Variants in PPP1R12B observed in about 807,000 individuals in gnomAD.
PPP1R12B encodes protein phosphatase 1 regulatory subunit 12B.
Under a neutral mutation model 126.1 loss-of-function variants are expected in PPP1R12B, and 76 were observed. The observed-to-expected ratio is 0.60, with a 90% CI of 0.50 to 0.73. PPP1R12B has a LOEUF of 0.73. PPP1R12B is among the 30% of genes least tolerant of loss of function. The pLI is 0.00. For missense variants in PPP1R12B, 1,052 were observed against 1,205.1 expected, an observed-to-expected ratio of 0.87 and a Z score of 1.88; for synonymous variants, 356 against 434.7, an observed-to-expected ratio of 0.82 and a Z score of 2.25.
chr1:202,565,834 A>G lies in PPP1R12B; in HGVS notation c.2757+1287A>G, dbSNP rs75036147. ...AAAAGAGAAAAATACACACATAGCT[A>G]TAGCCCTGCCATAAGGCAGCGGGGT... On this transcript the variant is annotated intron_variant, in intron 21 of 23. Transcript: ENST00000608999. The surrounding 1 kb of genome is among the most constrained non-coding windows in gnomAD (Gnocchi z 4.3). Among the ~76,000 whole-genome samples, 2,105 of 152,170 alleles carry G rather than the reference A, an allele frequency of 0.014. 27 individuals carry two copies. The highest frequency in any genetic ancestry group is 0.021 in the Non-Finnish European group (1,402 of 68,018).
chr1:202,351,960 C>G (rs948695451), intron 1 of PPP1R12B, among the ~76,000 whole-genome samples: 1 of 152,206 alleles, frequency 6.6e-6, no homozygotes, highest in Non-Finnish European at 1.5e-5. Context: ...AGATAACAAG[C>G]TCCAGGGGGC....
rs563050785 is a variant in PPP1R12B at position 202,363,095 on chromosome 1, A to G, written c.291+13953A>G. Among the ~76,000 whole-genome samples, 7 of 152,208 alleles carry G rather than the reference A, an allele frequency of 4.6e-5. No homozygotes were observed. In the South Asian group the frequency reaches 1.4e-3, roughly 32 times the overall value. ...GTGATCCACCCATCTTGGCCTCCCA[A>G]AGTGCTGGGATTGCAGGCATGAGCC... On this transcript the variant is annotated intron_variant, in intron 1 of 23. Transcript: ENST00000608999.
intron 13 of PPP1R12B, among the ~76,000 whole-genome samples, chr1:202,463,617 T>C (rs1409028370): frequency 6.6e-6 from 1 of 152,162 alleles, no homozygotes; most frequent in Non-Finnish European, 1.5e-5. Context: ...ACTAGTTCAA[T>C]CAGGTATGGG....
rs2149055724 is a variant in PPP1R12B, at chr1:202,590,426, A to G, written c.*9866A>G. The G allele has an allele frequency of 6.6e-6, 1 of 151,144 alleles. No individual in the cohort carries two copies. The highest frequency in any genetic ancestry group is 2.1e-4 in the South Asian group (1 of 4,760). The allele number at this position is 151,144 out of a possible 1,614,324, so 9.4% of individuals were successfully genotyped here. A position where few individuals can be genotyped will look rare whatever the true frequency, so the allele number is the denominator to read the frequency against. On this transcript the variant is annotated 3_prime_UTR_variant, in exon 24 of 24. Coordinates refer to ENST00000608999, the MANE Select transcript of PPP1R12B (RefSeq NM_002481.4). ...TTCCCCCAACCCCAGGAGAGAGGGG[A>G]CCTCAGCCCCTTTTGGTGCTTCCCT...
At chr1:202,564,324 C>A (rs948462134) in intron 20 of PPP1R12B, 119 bp from the exon 21 acceptor site, 2 of 638,816 alleles carry the variant, frequency 3.1e-6, no homozygotes, top group South Asian at 2.0e-5. Context: ...ACCCTTCCTT[C>A]ATTTTCTCTC....
intron 13 of PPP1R12B, among the ~76,000 whole-genome samples, chr1:202,482,298 TA>T (rs1230393309): frequency 1.3e-5 from 2 of 152,216 alleles, no homozygotes; most frequent in Non-Finnish European, 2.9e-5. Flanking sequence ...TTTTACGTTT[TA>T]AAGGAACCTC....
intron 18 of PPP1R12B, among the ~76,000 whole-genome samples, chr1:202,527,925 A>G (rs1683520777): frequency 6.6e-6 from 1 of 152,216 alleles, no homozygotes; most frequent in Non-Finnish European, 1.5e-5. Context: ...ACTTCCCACA[A>G]ACAGCACTAG....
chr1:202,359,103 A>G (rs141121794), intron 1 of PPP1R12B, among the ~76,000 whole-genome samples: 2 of 152,154 alleles, frequency 1.3e-5, no homozygotes, highest in African/African-American at 4.8e-5. Context: ...CCTCATCTCC[A>G]GTATACTGGA....
rs924028869 is a variant in PPP1R12B at position 202,585,333 on chromosome 1, A to G, written c.*4773A>G. 3.3e-5 allele frequency: 5 copies of G among 152,270 alleles called. No individual in the cohort carries two copies. The highest frequency in any genetic ancestry group is 1.3e-4 in the Admixed American group (2 of 15,292). 9.4% of individuals were successfully genotyped at this position (152,270 alleles called of 1,614,324 possible). On this transcript the variant is annotated 3_prime_UTR_variant, in exon 24 of 24. Coordinates refer to ENST00000608999, the MANE Select transcript of PPP1R12B (RefSeq NM_002481.4). ...TTTTCAAGGCAGGGTCTAACCCTTC[A>G]TAAGATGTGAGTTCTTCCAACCCAA...
intron 23 of PPP1R12B, among the ~76,000 whole-genome samples, chr1:202,572,573 A>G (rs994325160): frequency 6.6e-6 from 1 of 152,190 alleles, no homozygotes; most frequent in African/African-American, 2.4e-5. Flanking sequence ...GTAGGATTAT[A>G]TGCCAACTTC....
intron 1 of PPP1R12B, among the ~76,000 whole-genome samples, chr1:202,350,908 G>A (rs1655839808): frequency 2.0e-5 from 3 of 151,860 alleles, no homozygotes; most frequent in African/African-American, 4.8e-5. Flanking sequence ...GGCATGAGCC[G>A]CTGTGCCTGG....
chr1:202,467,381 C>A (rs947234416), intron 13 of PPP1R12B, among the ~76,000 whole-genome samples: 7 of 152,038 alleles, frequency 4.6e-5, no homozygotes, highest in Non-Finnish European at 7.4e-5. Flanking sequence ...CCGCTCCCCC[C>A]ACCCCACAAC....
At chr1:202,529,986 T>A (rs1683758097) in intron 18 of PPP1R12B, among the ~76,000 whole-genome samples, 1 of 152,188 alleles carries the variant, frequency 6.6e-6, no homozygotes, top group South Asian at 2.1e-4. Context: ...GTACTAAATA[T>A]TTATAGTCTT....
intron 13 of PPP1R12B, among the ~76,000 whole-genome samples, chr1:202,482,747 T>TG (rs1393883853): frequency 2.0e-5 from 3 of 152,220 alleles, no homozygotes; most frequent in African/African-American, 4.8e-5. Flanking sequence ...TTTAGTTTGT[T>TG]GCAATCTCAT....
At chr1:202,562,389 G>A (rs1374710984) in intron 19 of PPP1R12B, among the ~76,000 whole-genome samples, 1 of 152,132 alleles carries the variant, frequency 6.6e-6, no homozygotes, top group Non-Finnish European at 1.5e-5. Context: ...CTGATTCATT[G>A]ACAGTTCATT....
In PPP1R12B at chr1:202,357,767, G is replaced by GT. The variant is rs1003523473; in HGVS notation, c.291+8631dup. Among the ~76,000 whole-genome samples, 3 of 152,160 alleles carry GT rather than the reference G, an allele frequency of 2.0e-5. No homozygotes were observed. In the East Asian group the frequency reaches 5.8e-4, roughly 29 times the overall value. On this transcript the variant is annotated intron_variant, in intron 1 of 23. Coordinates refer to ENST00000608999, the MANE Select transcript of PPP1R12B (RefSeq NM_002481.4). Reference sequence around the variant, plus strand: ...ATAGGGAGGTTAGTACCAATAAACAGTTTTTTCTGCCATTCTCTTACATTT... The same window carrying GT: ...ATAGGGAGGTTAGTACCAATAAACAGTTTTTTTCTGCCATTCTCTTACATTT...
At chr1:202,448,686 T>C (rs537664760) in intron 12 of PPP1R12B, 1 of 326,206 alleles carries the variant, frequency 3.1e-6, no homozygotes, top group East Asian at 5.8e-5. Flanking sequence ...TTTAAAACAC[T>C]CTTGCATATG....
intron 18 of PPP1R12B, among the ~76,000 whole-genome samples, chr1:202,515,655 C>T (rs1426931898): frequency 6.6e-6 from 1 of 152,080 alleles, no homozygotes; most frequent in East Asian, 1.9e-4. Flanking sequence ...CCTCTACCTC[C>T]TAGGCTCAAG....
chr1:202,354,847 A>T (rs1455289637), intron 1 of PPP1R12B, among the ~76,000 whole-genome samples: 2 of 128,570 alleles, frequency 1.6e-5, no homozygotes, highest in African/African-American at 5.8e-5. Flanking sequence ...TTTTTTTGAG[A>T]CGGAGTCTTG....
Sources: allele counts gnomAD v4.1 joint callset (sites outside exome capture counted in the v4.1 genomes callset), GRCh38; gene constraint gnomAD v4.1.1; non-coding constraint Gnocchi (gnomAD v3.1); transcripts MANE v1.5; gene names NCBI Gene and HGNC (gene_info 2026-07-23, HGNC 2026-07-21).